Variants in MACROD2 observed in about 807,000 individuals in gnomAD.
MACROD2 encodes the protein mono-ADP ribosylhydrolase 2.
MACROD2 carries 36 observed loss-of-function variants against 70.4 expected under a neutral mutation model. The observed-to-expected ratio is 0.51, with a 90% confidence interval of 0.39 to 0.68. The LOEUF is 0.68. Ranked by LOEUF, MACROD2 falls within the 30% of genes least tolerant of loss-of-function variation. The pLI is 0.00. For missense variants in MACROD2, 496 were observed against 538.4 expected (o/e 0.92, Z 0.78); for synonymous variants, 172 against 178.8 (o/e 0.96, Z 0.30).
At chr20:14,503,757 C>T (rs183941061) in intron 4 of MACROD2, among the ~76,000 whole-genome samples, 2 of 152,366 alleles carry the variant, frequency 1.3e-5, no homozygotes, top group African/African-American at 4.8e-5. Context: ...ATGCTGAACA[C>T]ACCAAAGGCC....
At chr20:14,006,163 C>T (rs2148612981) in intron 2 of MACROD2, among the ~76,000 whole-genome samples, 1 of 152,214 alleles carries the variant, frequency 6.6e-6, no homozygotes, top group Non-Finnish European at 1.5e-5. Context: ...ATTGGCTGTA[C>T]CATATAATCT....
At chr20:15,934,666 G>A (rs187558277) in intron 11 of MACROD2, among the ~76,000 whole-genome samples, 150 of 151,536 alleles carry the variant, frequency 9.9e-4, no homozygotes, top group Non-Finnish European at 1.9e-3. Flanking sequence ...GTCCCAAACT[G>A]TTTTTTTTGT....
intron 4 of MACROD2, among the ~76,000 whole-genome samples, chr20:14,638,112 A>T (rs1249014835): frequency 6.6e-6 from 1 of 152,056 alleles, no homozygotes; most frequent in African/African-American, 2.4e-5. Flanking sequence ...GTGGTACATC[A>T]TTGGAAATCT....
At position 15,316,620 on chromosome 20, in the gene MACROD2, T is replaced by C. The variant is rs145508266; in HGVS notation, c.540+86559T>C. Among the ~76,000 whole-genome samples, 163 of 152,192 alleles carry C rather than the reference T, an allele frequency of 1.1e-3. 3 individuals carry two copies. Among genetic ancestry groups the C allele is most frequent in the African/African-American group, 3.8e-3 (157 of 41,540 alleles). ...TATTAGAGATTTAAATATCCCACTT[T>C]CAGTAATGGATAGAACACTGAAATG... On this transcript the variant is annotated intron_variant, in intron 6 of 17. Transcript: ENST00000684519.
At chr20:15,619,561 C>G (rs906084555) in intron 8 of MACROD2, 7 of 421,774 alleles carry the variant, frequency 1.7e-5, no homozygotes, top group Non-Finnish European at 3.0e-5. Context: ...GATGTGGTCA[C>G]CAGTCATCAG....
intron 5 of MACROD2, among the ~76,000 whole-genome samples, chr20:15,111,173 G>GTTT (rs1299612264): frequency 2.6e-5 from 2 of 78,328 alleles, no homozygotes; most frequent in African/African-American, 1.2e-4. Context: ...GTTTGTTTTT[G>GTTT]TTTGTTTTTT....
chr20:16,020,865 G>T (rs143694366), intron 15 of MACROD2, among the ~76,000 whole-genome samples: 2 of 152,182 alleles, frequency 1.3e-5, no homozygotes, highest in African/African-American at 4.8e-5. Context: ...ACAAAAATCT[G>T]CATGTCTTCA....
intron 5 of MACROD2, among the ~76,000 whole-genome samples, chr20:15,014,737 A>G (rs940253167): frequency 4.6e-5 from 7 of 152,210 alleles, no homozygotes; most frequent in Non-Finnish European, 1.0e-4. Flanking sequence ...AATTTTATGT[A>G]AATGATTGTA....
chr20:15,921,073 C>T (rs1442405496), intron 10 of MACROD2, among the ~76,000 whole-genome samples: 1 of 152,130 alleles, frequency 6.6e-6, no homozygotes, highest in East Asian at 1.9e-4. Flanking sequence ...ATTACATATT[C>T]CTACCCCACA....
Position 14,434,361 on chromosome 20 carries a change from C to T in MACROD2, c.272-59118C>T, listed in dbSNP as rs564180517. Among the ~76,000 whole-genome samples, 4 of 152,224 alleles carry T rather than the reference C, an allele frequency of 2.6e-5. No individual in the cohort carries two copies. In the East Asian group the frequency reaches 5.8e-4, roughly 22 times the overall value. ...TATGGCTTTCTACCATTTTTAAACT[C>T]GGTTTAGATATCATTTCTTCAGAAA... On this transcript the variant is annotated intron_variant, in intron 3 of 17. Transcript: ENST00000684519.
At chr20:15,668,417 A>C (rs557163801) in intron 8 of MACROD2, among the ~76,000 whole-genome samples, 180 of 151,522 alleles carry the variant, frequency 1.2e-3, no homozygotes, top group African/African-American at 4.1e-3. Context: ...AAAATACAAA[A>C]ATTAGCCAGG....
chr20:15,450,454 AT>A (rs2046625494), intron 7 of MACROD2, among the ~76,000 whole-genome samples: 1 of 151,956 alleles, frequency 6.6e-6, no homozygotes, highest in African/African-American at 2.4e-5. Flanking sequence ...ATTACCTTTT[AT>A]TTATAGAGAT....
In MACROD2 at chr20:14,645,202, T is replaced by A. The variant is rs191454107; in HGVS notation, c.302-39641T>A. ...TGAAAAAGTATATTATCTAAATGCA[T>A]CTATTTAAATTGAATGGGTATTAAA... On this transcript the variant is annotated intron_variant, in intron 4 of 17. Coordinates refer to ENST00000684519, the MANE Select transcript of MACROD2 (RefSeq NM_001351661.2). 6.8e-4 allele frequency among the ~76,000 whole-genome samples: 103 copies of A among 152,242 alleles called. 2 individuals carry two copies. In the East Asian group the frequency reaches 0.014, roughly 21 times the overall value.
intron 8 of MACROD2, among the ~76,000 whole-genome samples, chr20:15,725,018 C>T (rs745586094): frequency 3.3e-5 from 5 of 152,034 alleles, no homozygotes; most frequent in Non-Finnish European, 7.4e-5. Flanking sequence ...GGAGGCGGAG[C>T]TTGCAGTGAG....
chr20:14,958,870 C>T (rs955841251), intron 5 of MACROD2, among the ~76,000 whole-genome samples: 4 of 152,052 alleles, frequency 2.6e-5, no homozygotes, highest in African/African-American at 9.7e-5. Flanking sequence ...TGAAAATTTG[C>T]ATTTCTAACA....
intron 6 of MACROD2, among the ~76,000 whole-genome samples, chr20:15,406,939 G>A (rs1298862097): frequency 1.3e-5 from 2 of 152,174 alleles, no homozygotes; most frequent in African/African-American, 4.8e-5. Context: ...TTGGCACAAA[G>A]ACCCTTGGAG....
chr20:14,984,282 C>G (rs2074828722), intron 5 of MACROD2, among the ~76,000 whole-genome samples: 1 of 152,030 alleles, frequency 6.6e-6, no homozygotes, highest in Non-Finnish European at 1.5e-5. Context: ...TAAGATGGCC[C>G]CTGGGATGTT....
At chr20:15,256,045 C>G (rs182761093) in intron 6 of MACROD2, among the ~76,000 whole-genome samples, 1 of 152,138 alleles carries the variant, frequency 6.6e-6, no homozygotes, top group East Asian at 1.9e-4. Flanking sequence ...GGATATCTTT[C>G]TAATGTCACG....
rs553017849 is a variant in MACROD2 at position 15,774,267 on chromosome 20, AT to A, written c.646-88477del. On this transcript the variant is annotated intron_variant, in intron 8 of 17. Transcript: ENST00000684519. ...GCAGGGAAGTTATAGGAAAGTAGCT[AT>A]AAAGACTCTAAGCAGTTCAAGAGAG... 3.4e-4 allele frequency among the ~76,000 whole-genome samples: 52 copies of A among 152,310 alleles called. 1 individual carries two copies. The East Asian group carries it at 3.5e-3, about 10-fold the overall frequency.
Sources: allele counts gnomAD v4.1 joint callset (sites outside exome capture counted in the v4.1 genomes callset), GRCh38; gene constraint gnomAD v4.1.1; transcripts MANE v1.5; gene names NCBI Gene and HGNC (gene_info 2026-07-23, HGNC 2026-07-21).